Variants in LUZP2 observed in about 807,000 individuals in gnomAD.
The protein encoded by LUZP2 is leucine zipper protein 2.
Under a neutral mutation model 51.6 loss-of-function variants are expected in LUZP2, and 52 were observed. The observed-to-expected ratio is 1.01, with a 90% CI of 0.81 to 1.27. The LOEUF is 1.27. Ranked by LOEUF, LUZP2 falls within the 50% of genes most tolerant of loss-of-function variation. LUZP2 has a pLI of 0.00. For missense variants in LUZP2, 436 were observed against 395.4 expected, an observed-to-expected ratio of 1.10 and a Z score of -0.87; for synonymous variants, 154 against 137.3, an observed-to-expected ratio of 1.12 and a Z score of -0.85.
intron 5 of LUZP2, chr11:24,891,043 G>T: frequency 1.0e-6 from 1 of 983,784 alleles, no homozygotes; most frequent in Non-Finnish European, 1.2e-6. Flanking sequence ...GAACTCAAAT[G>T]TTAAAAAGTT....
intron 7 of LUZP2, among the ~76,000 whole-genome samples, chr11:24,922,217 G>A (rs905651573): frequency 1.3e-5 from 2 of 152,066 alleles, no homozygotes; most frequent in African/African-American, 2.4e-5. Flanking sequence ...TAGACTAGAT[G>A]CACTCATACC....
intron 1 of LUZP2, among the ~76,000 whole-genome samples, chr11:24,593,190 G>C (rs1410282181): frequency 6.6e-6 from 1 of 152,006 alleles, no homozygotes; most frequent in Non-Finnish European, 1.5e-5. Flanking sequence ...GAACTCCCTA[G>C]CGCTGTATTT....
chr11:24,821,274 T>C (rs543307224), intron 5 of LUZP2, among the ~76,000 whole-genome samples: 48 of 152,230 alleles, frequency 3.2e-4, no homozygotes, highest in Non-Finnish European at 1.3e-4. Flanking sequence ...ATACACATTC[T>C]TCAACATTAA....
intron 2 of LUZP2, among the ~76,000 whole-genome samples, chr11:24,730,934 A>T (rs2716455): frequency 0.7 from 105,517 of 151,590 alleles, 37,773 homozygotes; most frequent in African/African-American, 0.86. Flanking sequence ...GACTTGTGCC[A>T]GGTCATAAGA....
chr11:24,910,085 G>T (rs1201636681), intron 6 of LUZP2, among the ~76,000 whole-genome samples: 1 of 152,152 alleles, frequency 6.6e-6, no homozygotes, highest in African/African-American at 2.4e-5. Context: ...CTATGCTGTA[G>T]CAAAGAGACT....
chr11:24,658,866 A>G lies in LUZP2; in HGVS notation c.63-70303A>G, dbSNP rs1283948432. Among the ~76,000 whole-genome samples, 6 of 152,222 alleles carry G rather than the reference A, an allele frequency of 3.9e-5. No individual in the cohort carries two copies. In the South Asian group the frequency reaches 1.2e-3, roughly 32 times the overall value. On this transcript the variant is annotated intron_variant, in intron 1 of 11. Transcript: ENST00000336930. ...CAGAGAAATGCAAATCAAAACCACA[A>G]TGAGATAGCATCTCACACCAGTTAG...
intron 5 of LUZP2, among the ~76,000 whole-genome samples, chr11:24,828,885 C>T (rs77846559): frequency 7.9e-4 from 120 of 152,254 alleles, no homozygotes; most frequent in African/African-American, 2.7e-3. Context: ...GAACCACAGG[C>T]AGGAGAGAAA....
intron 9 of LUZP2, among the ~76,000 whole-genome samples, chr11:25,003,143 T>G (rs377561671): frequency 2.6e-5 from 4 of 152,158 alleles, no homozygotes; most frequent in Admixed American, 2.6e-4. Flanking sequence ...GTTCAAGAGA[T>G]CTAGAGTAGC....
chr11:24,915,664 T>C (rs190865326), intron 7 of LUZP2, among the ~76,000 whole-genome samples: 2 of 151,886 alleles, frequency 1.3e-5, no homozygotes, highest in African/African-American at 4.8e-5. Context: ...GATAGATAGA[T>C]AGATGATAGA....
At chr11:24,622,991 CA>C (rs1854550540) in intron 1 of LUZP2, among the ~76,000 whole-genome samples, 1 of 152,042 alleles carries the variant, frequency 6.6e-6, no homozygotes, top group Admixed American at 6.6e-5. Flanking sequence ...TTTCTTGATG[CA>C]AATGTTACAT....
At chr11:24,515,140 T>C (rs12291988) in intron 1 of LUZP2, among the ~76,000 whole-genome samples, 33,914 of 152,108 alleles carry the variant, frequency 0.22, 4,853 homozygotes, top group African/African-American at 0.41. Context: ...GGAAATTAAC[T>C]AAGTCCTCTG....
At chr11:25,046,392 C>A (rs1858309716) in intron 9 of LUZP2, among the ~76,000 whole-genome samples, 1 of 151,978 alleles carries the variant, frequency 6.6e-6, no homozygotes, top group Middle Eastern at 3.2e-3. Flanking sequence ...TTTGTTTATT[C>A]ATATTGGGAA....
At chr11:24,977,557 A>G (rs1374403905) in intron 8 of LUZP2, among the ~76,000 whole-genome samples, 3 of 151,698 alleles carry the variant, frequency 2.0e-5, no homozygotes, top group Non-Finnish European at 4.4e-5. Context: ...ATAATTGTAC[A>G]TATACAAGCA....
At chr11:24,962,007 A>G (rs1855424496) in intron 7 of LUZP2, among the ~76,000 whole-genome samples, 1 of 151,524 alleles carries the variant, frequency 6.6e-6, no homozygotes, top group Non-Finnish European at 1.5e-5. Flanking sequence ...TCACTTATGA[A>G]GCTTAGTTTG....
At chr11:24,775,025 A>C (rs1297099845) in intron 5 of LUZP2, among the ~76,000 whole-genome samples, 1 of 151,576 alleles carries the variant, frequency 6.6e-6, no homozygotes, top group Non-Finnish European at 1.5e-5. Context: ...CATATAATAT[A>C]AAATACAATA....
chr11:25,005,672 T>C (rs1443946353), intron 9 of LUZP2, among the ~76,000 whole-genome samples: 1 of 152,076 alleles, frequency 6.6e-6, no homozygotes, highest in Non-Finnish European at 1.5e-5. Context: ...ACCCTGCTGA[T>C]TGGAATAGTT....
chr11:24,620,607 T>C (rs918924006), intron 1 of LUZP2, among the ~76,000 whole-genome samples: 3 of 152,228 alleles, frequency 2.0e-5, no homozygotes, highest in Admixed American at 1.3e-4. Flanking sequence ...AAATCCTAAA[T>C]GTCAAAGTCA....
intron 5 of LUZP2, chr11:24,832,149 G>A (rs556594939): frequency 6.6e-6 from 1 of 152,052 alleles, no homozygotes; most frequent in Non-Finnish European, 1.5e-5. Flanking sequence ...GAAGAAAAGA[G>A]AAATCAAATC....
intron 1 of LUZP2, among the ~76,000 whole-genome samples, chr11:24,523,115 G>T (rs567726870): frequency 8.2e-4 from 124 of 152,040 alleles, no homozygotes; most frequent in Middle Eastern, 3.4e-3. Context: ...CTTTCTGTCA[G>T]CATCTGGTTC....
Sources: gnomAD v4.1 joint callset for allele counts (sites outside exome capture counted in the v4.1 genomes callset) on GRCh38, gnomAD v4.1.1 for gene constraint, MANE v1.5 for transcripts, NCBI Gene and HGNC (gene_info 2026-07-23, HGNC 2026-07-21) for gene names.